Variants in RASL10B observed in about 807,000 individuals in gnomAD.
RASL10B encodes ras-like protein family member 10B.
In RASL10B, 10 loss-of-function variants were observed where a neutral mutation model predicts 20.7. The ratio of observed to expected loss-of-function variants is 0.48; its 90% confidence interval spans 0.30 to 0.82. The LOEUF (loss-of-function observed/expected upper bound fraction) is 0.82, where lower values mean the gene tolerates loss of function less well. Ranked by LOEUF, RASL10B falls within the 40% of genes least tolerant of loss-of-function variation. The probability of loss-of-function intolerance (pLI) is 0.07; values close to 1 mark genes in which losing one functional copy is unlikely to be tolerated. For synonymous variants in RASL10B, 110 were observed against 123.3 expected (o/e 0.89, Z 0.72); for missense variants, 231 against 295.4 (o/e 0.78, Z 1.60).
At chr17:35,740,858 G>C (rs1459193953) in intron 3 of RASL10B, among the ~76,000 whole-genome samples, 177 bp from the exon 4 acceptor site, 1 of 152,256 alleles carries the variant, frequency 6.6e-6, no homozygotes, top group Non-Finnish European at 1.5e-5. Context: ...GATAACAGTA[G>C]AACCCATCTT....
chr17:35,737,980 C>T (rs1375000562), intron 2 of RASL10B, among the ~76,000 whole-genome samples: 1 of 151,514 alleles, frequency 6.6e-6, no homozygotes, highest in South Asian at 2.1e-4. Flanking sequence ...ATAGCAGTGG[C>T]GTATGCTGTG....
At chr17:35,738,608 C>A (rs1661406379) in intron 2 of RASL10B, among the ~76,000 whole-genome samples, 1 of 152,192 alleles carries the variant, frequency 6.6e-6, no homozygotes, top group South Asian at 2.1e-4. Context: ...ACTGGACTCC[C>A]TTTCTATTGC....
intron 1 of RASL10B, among the ~76,000 whole-genome samples, chr17:35,733,398 G>A (rs2085571557): frequency 6.6e-6 from 1 of 152,242 alleles, no homozygotes; most frequent in Non-Finnish European, 1.5e-5. Flanking sequence ...GAATGGCAGA[G>A]CTAGGAATCA....
At chr17:35,736,072 G>A (rs1302695360) in intron 2 of RASL10B, among the ~76,000 whole-genome samples, 2 of 152,118 alleles carry the variant, frequency 1.3e-5, no homozygotes, top group East Asian at 3.9e-4. Context: ...CTGACCTCAG[G>A]ACCTGCCTGC....
rs1468466333 is a variant in RASL10B at position 35,743,180 on chromosome 17, CT to C, written c.*1876del. 1 of 152,796 alleles carries C rather than the reference CT, an allele frequency of 6.5e-6. No individual in the cohort carries two copies. The highest frequency in any genetic ancestry group is 1.5e-5 in the Non-Finnish European group (1 of 68,158). The allele number at this position is 152,796 out of a possible 1,614,324, so 9.5% of individuals were successfully genotyped here. On this transcript the variant is annotated 3_prime_UTR_variant, in exon 4 of 4. Transcript: ENST00000603017. ...CCTGCCCCTTTAGTCTCCTGCACCCCTGCCCCCTGGTTCACCAGAGGGAGCG... is the reference window on the plus strand; with the variant it reads ...CCTGCCCCTTTAGTCTCCTGCACCCCGCCCCCTGGTTCACCAGAGGGAGCG...
chr17:35,736,209 G>A (rs1555597199), intron 2 of RASL10B, among the ~76,000 whole-genome samples: 1 of 152,204 alleles, frequency 6.6e-6, no homozygotes, highest in Non-Finnish European at 1.5e-5. Context: ...AGAGGGAGTG[G>A]AGAGAAAAAG....
At chr17:35,738,022 T>A (rs2085605209) in intron 2 of RASL10B, among the ~76,000 whole-genome samples, 1 of 152,204 alleles carries the variant, frequency 6.6e-6, no homozygotes, top group Admixed American at 6.5e-5. Context: ...AGAGCCCGTT[T>A]TCCTACAGTC....
intron 1 of RASL10B, among the ~76,000 whole-genome samples, chr17:35,732,545 T>C (rs1048780200): frequency 6.6e-6 from 1 of 152,168 alleles, no homozygotes; most frequent in Non-Finnish European, 1.5e-5. Context: ...CACCGATCGC[T>C]TCTGAGTTGG....
intron 2 of RASL10B, among the ~76,000 whole-genome samples, chr17:35,736,363 G>A (rs2085591724): frequency 6.6e-6 from 1 of 152,228 alleles, no homozygotes; most frequent in Non-Finnish European, 1.5e-5. Context: ...AGCAAATCAA[G>A]CAGTCTCTCA....
chr17:35,733,926 G>T (rs1301886562), intron 1 of RASL10B, among the ~76,000 whole-genome samples: 1 of 152,220 alleles, frequency 6.6e-6, no homozygotes, highest in Non-Finnish European at 1.5e-5. Context: ...CCTGCTATGT[G>T]CCAGGCCCTC....
At chr17:35,737,065 C>T (rs2085597790) in intron 2 of RASL10B, 1 of 152,200 alleles carries the variant, frequency 6.6e-6, no homozygotes, top group Non-Finnish European at 1.5e-5. Context: ...CTTATCCATA[C>T]TTTCAGTGTT....
intron 2 of RASL10B, among the ~76,000 whole-genome samples, chr17:35,740,135 G>A (rs1568092986): frequency 1.3e-5 from 2 of 152,178 alleles, no homozygotes; most frequent in Non-Finnish European, 1.5e-5. Flanking sequence ...ATGAGGGCAC[G>A]ACATGGAGCA....
chr17:35,733,885 G>A (rs1486890450), intron 1 of RASL10B, among the ~76,000 whole-genome samples: 1 of 152,204 alleles, frequency 6.6e-6, no homozygotes, highest in Non-Finnish European at 1.5e-5. Context: ...TCGTATCAAG[G>A]CCCAAACCCC....
chr17:35,741,927 T>C lies in RASL10B; in HGVS notation c.*622T>C, dbSNP rs2085631914. ...CCGGGGGACCGAGGTCCCAGATCAG[T>C]GAGGGGAGAAGGTTGAGCTCTCCGG... is the stretch of plus-strand genomic sequence containing the variant. On this transcript the variant is annotated 3_prime_UTR_variant, in exon 4 of 4. Transcript: ENST00000603017. The C allele has an allele frequency of 6.6e-6, 1 of 152,450 alleles. No homozygotes were observed. Among genetic ancestry groups the C allele is most frequent in the African/African-American group, 2.4e-5 (1 of 41,298 alleles). 9.4% of individuals were successfully genotyped at this position (152,450 alleles called of 1,614,324 possible). A position where few individuals can be genotyped will look rare whatever the true frequency, so the allele number is the denominator to read the frequency against.
rs782819445 is a variant in RASL10B at position 35,735,444 on chromosome 17, G to T, written c.216+44G>T. On this transcript the variant is annotated intron_variant, in intron 2 of 3. Coordinates refer to ENST00000603017, the MANE Select transcript of RASL10B (RefSeq NM_033315.4). This position sits in a 1 kb window ranked among gnomAD's most constrained non-coding sequence, Gnocchi z 6.7. ...GCATGGGTTAGTGGGGAAACGGATG[G>T]GTAGGGGAGAGGCTGGATTCCAAAC... 2 of 1,589,886 alleles carry T rather than the reference G, an allele frequency of 1.3e-6. No individual in the cohort carries two copies. Among genetic ancestry groups the T allele is most frequent in the African/African-American group, 2.7e-5 (2 of 74,446 alleles).
At chr17:35,741,013 A>G in intron 3 of RASL10B, 22 bp from the exon 4 acceptor site, 1 of 1,569,468 alleles carries the variant, frequency 6.4e-7, no homozygotes. Flanking sequence ...CAGAGTTCTG[A>G]GCTGCCTGCC....
In RASL10B at chr17:35,735,806, G is replaced by A. The variant is rs1279454163; in HGVS notation, c.216+406G>A. Reference sequence around the variant, plus strand: ...GGCCATCCAGATGTGTTGGGGTGGAGTTGGGGGGTCACAGAGGGTGATGTC... The same window carrying A: ...GGCCATCCAGATGTGTTGGGGTGGAATTGGGGGGTCACAGAGGGTGATGTC... On this transcript the variant is annotated intron_variant, in intron 2 of 3. Coordinates refer to ENST00000603017, the MANE Select transcript of RASL10B (RefSeq NM_033315.4). This position sits in a 1 kb window ranked among gnomAD's most constrained non-coding sequence, Gnocchi z 6.7. Among the ~76,000 whole-genome samples, 2 of 152,232 alleles carry A rather than the reference G, an allele frequency of 1.3e-5. No individual in the cohort carries two copies. The highest frequency in any genetic ancestry group is 2.9e-5 in the Non-Finnish European group (2 of 68,040).
intron 2 of RASL10B, among the ~76,000 whole-genome samples, chr17:35,738,262 T>C (rs781918492): frequency 1.4e-4 from 21 of 152,186 alleles, no homozygotes; most frequent in Non-Finnish European, 1.8e-4. Flanking sequence ...CCCTGAGTTT[T>C]GGACTCTAAG....
intron 3 of RASL10B, 92 bp from the exon 4 acceptor site, chr17:35,740,943 G>A: frequency 9.5e-7 from 1 of 1,057,868 alleles, no homozygotes; most frequent in South Asian, 1.5e-5. Flanking sequence ...AACCTACGGT[G>A]GTGGTAGTAT....
Sources: allele counts gnomAD v4.1 joint callset (sites outside exome capture counted in the v4.1 genomes callset), GRCh38; gene constraint gnomAD v4.1.1; non-coding constraint Gnocchi (gnomAD v3.1); transcripts MANE v1.5; gene names NCBI Gene and HGNC (gene_info 2026-07-23, HGNC 2026-07-21).